Variants in ERC1 observed in about 807,000 individuals in gnomAD.
ERC1 encodes ELKS/RAB6-interacting/CAST family member 1.
Under a neutral mutation model 132.0 loss-of-function variants are expected in ERC1, and 56 were observed. The ratio of observed to expected loss-of-function variants is 0.42; its 90% CI spans 0.34 to 0.53. ERC1 has a LOEUF of 0.53. Ranked by LOEUF, ERC1 falls within the 20% of genes least tolerant of loss-of-function variation. The pLI is 0.03. For missense variants in ERC1, 1,202 were observed against 1,349.9 expected, an observed-to-expected ratio of 0.89 and a Z score of 1.72; for synonymous variants, 478 against 476.1, an observed-to-expected ratio of 1.00 and a Z score of -0.05.
intron 14 of ERC1, among the ~76,000 whole-genome samples, chr12:1,268,748 A>G (rs937078348): frequency 2.0e-5 from 3 of 152,228 alleles, no homozygotes; most frequent in African/African-American, 7.2e-5. Context: ...CCTGGGCGAC[A>G]GAGCGAGACT....
chr12:1,241,847 C>CTTT (rs57016547), intron 13 of ERC1, among the ~76,000 whole-genome samples: 2,297 of 80,502 alleles, frequency 0.029, 26 homozygotes, highest in Non-Finnish European at 0.038. Context: ...TCTTCTTCTT[C>CTTT]TTTTTTTTTT....
chr12:1,381,721 T>C (rs2088691097), intron 16 of ERC1, among the ~76,000 whole-genome samples: 1 of 152,208 alleles, frequency 6.6e-6, no homozygotes. Context: ...CTGTCCTCAC[T>C]TCTGGAATTG....
intron 13 of ERC1, among the ~76,000 whole-genome samples, chr12:1,241,704 C>G (rs2075802224): frequency 6.6e-6 from 1 of 152,102 alleles, no homozygotes. Context: ...ACCCAGTTCT[C>G]CTGGTAGCAC....
chr12:1,353,033 T>C (rs530304565), intron 15 of ERC1, among the ~76,000 whole-genome samples: 1,574 of 149,868 alleles, frequency 0.011, 34 homozygotes, highest in African/African-American at 0.035. Context: ...CTTTTCTTTT[T>C]TTTTTTTTTT....
At chr12:1,254,766 G>A (rs2076684283) in intron 13 of ERC1, among the ~76,000 whole-genome samples, 1 of 152,132 alleles carries the variant, frequency 6.6e-6, no homozygotes, top group Admixed American at 6.5e-5. Context: ...ACCCACCTTG[G>A]CTTCCCAAAG....
chr12:1,336,904 TCTC>T (rs1431921394), intron 15 of ERC1, among the ~76,000 whole-genome samples: 3 of 152,132 alleles, frequency 2.0e-5, no homozygotes, highest in African/African-American at 7.2e-5. Context: ...TTCAAGCAAT[TCTC>T]CTGCCTCAGC....
rs2090512522 is a variant in ERC1 at position 1,395,988 on chromosome 12, A to T, written c.2926-12161A>T. ...AAATAAGTGAATATCCATAATCAACAATTTTCCTTTTCATATTAAATCTAT... is the reference window on the plus strand; with the variant it reads ...AAATAAGTGAATATCCATAATCAACTATTTTCCTTTTCATATTAAATCTAT... On this transcript the variant is annotated intron_variant, in intron 16 of 18. Coordinates refer to ENST00000360905, the MANE Select transcript of ERC1 (RefSeq NM_178040.4). Among the ~76,000 whole-genome samples, 2 of 152,110 alleles carry T rather than the reference A, an allele frequency of 1.3e-5. 1 individual carries two copies. The highest frequency in any genetic ancestry group is 4.1e-4 in the South Asian group (2 of 4,832).
chr12:1,230,837 C>T (rs1230523217), intron 12 of ERC1, among the ~76,000 whole-genome samples: 5 of 152,140 alleles, frequency 3.3e-5, no homozygotes, highest in Admixed American at 3.3e-4. Flanking sequence ...AACCTTGTCT[C>T]TTGTGACTGA....
intron 8 of ERC1, among the ~76,000 whole-genome samples, chr12:1,168,570 C>T (rs1469841488): frequency 6.8e-6 from 1 of 147,212 alleles, no homozygotes; most frequent in Admixed American, 6.9e-5. Context: ...CTGCAACCAT[C>T]GCCTCCCAGG....
intron 18 of ERC1, among the ~76,000 whole-genome samples, chr12:1,455,792 A>G (rs1017521735): frequency 6.6e-6 from 1 of 152,200 alleles, no homozygotes; most frequent in Non-Finnish European, 1.5e-5. Flanking sequence ...TTTTCATAGA[A>G]CTCAAGGATT....
rs5795968 is a variant in ERC1 at position 1,374,824 on chromosome 12, A to ATTTTTTTTT, written c.2925+2861_2925+2869dup. ...GCTGGGCTTTTCAGGACAGGCTGGGATTTTTTTTTTTTTTTTTTTTTTCTG... is the reference window on the plus strand; with the variant it reads ...GCTGGGCTTTTCAGGACAGGCTGGGATTTTTTTTTTTTTTTTTTTTTTTTTTTTTTTCTG... On this transcript the variant is annotated intron_variant, in intron 16 of 18. Coordinates refer to ENST00000360905, the MANE Select transcript of ERC1 (RefSeq NM_178040.4). Among the ~76,000 whole-genome samples, 9 of 124,548 alleles carry ATTTTTTTTT rather than the reference A, an allele frequency of 7.2e-5. 1 individual carries two copies. The highest frequency in any genetic ancestry group is 1.2e-4 in the African/African-American group (4 of 33,766). The allele number at this position is 124,548 out of a possible 152,430, so 81.7% of individuals were successfully genotyped here.
intron 14 of ERC1, among the ~76,000 whole-genome samples, chr12:1,281,336 A>C (rs1347690172): frequency 6.6e-6 from 1 of 152,214 alleles, no homozygotes; most frequent in African/African-American, 2.4e-5. Flanking sequence ...CAAAGCAAAA[A>C]AAAAATGCCT....
At chr12:1,056,358 C>T (rs953302829) in intron 2 of ERC1, among the ~76,000 whole-genome samples, 4 of 151,668 alleles carry the variant, frequency 2.6e-5, no homozygotes, top group African/African-American at 7.3e-5. Context: ...AAAACTAGGA[C>T]GCAGACACAC....
Position 1,333,663 on chromosome 12 carries a change from T to C in ERC1, c.2781-38170T>C, listed in dbSNP as rs2083073437. The stretch of plus-strand genomic sequence containing the variant: ...TTCTTTAGTCTATCATTGATGAGCA[T>C]GTAGGTTGATTCTGTATCTTTGCTA... On this transcript the variant is annotated intron_variant, in intron 15 of 18. Coordinates refer to ENST00000360905, the MANE Select transcript of ERC1 (RefSeq NM_178040.4). Among the ~76,000 whole-genome samples, 5 of 152,168 alleles carry C rather than the reference T, an allele frequency of 3.3e-5. No homozygotes were observed. In the South Asian group the frequency reaches 1.0e-3, roughly 32 times the overall value.
chr12:1,083,178 A>C lies in ERC1; in HGVS notation c.684A>C (p.Thr228=). 1 of 1,612,706 alleles carries C rather than the reference A, an allele frequency of 6.2e-7. No homozygotes were observed. The highest frequency in any genetic ancestry group is 8.5e-7 in the Non-Finnish European group (1 of 1,179,534). The change falls in exon 3 of 19, where the codon ACA becomes ACC. Residue 228 remains threonine (T), a synonymous_variant. Coordinates refer to ENST00000360905, the MANE Select transcript of ERC1 (RefSeq NM_178040.4). ...VQEENQHMQM[T]IQALQDELRI... ...CTTGGTTCTAGCACATGCAGATGAC[A>C]ATCCAGGCTCTCCAGGATGAATTGC...
At chr12:1,098,484 G>GT (rs1397611339) in intron 3 of ERC1, among the ~76,000 whole-genome samples, 1 of 152,202 alleles carries the variant, frequency 6.6e-6, no homozygotes, top group Admixed American at 6.5e-5. Flanking sequence ...TTCCGCACTA[G>GT]AACAGTTAGG....
In ERC1 at chr12:1,124,218, C is replaced by T. The variant is rs79081963; in HGVS notation, c.1569+8185C>T. Among the ~76,000 whole-genome samples the T allele has an allele frequency of 6.4e-3, 972 of 152,210 alleles. 16 individuals carry two copies. Among genetic ancestry groups the T allele is most frequent in the African/African-American group, 0.022 (912 of 41,512 alleles). On this transcript the variant is annotated intron_variant, in intron 7 of 18. Transcript: ENST00000360905. ...CTTACTGAACAGTCGTAAAAACTAA[C>T]CATGTACTGGGTCATAAAGGAAACT...
chr12:1,110,083 C>A, intron 4 of ERC1, 109 bp from the exon 5 acceptor site: 1 of 924,740 alleles, frequency 1.1e-6, no homozygotes, highest in Non-Finnish European at 1.6e-6. Context: ...AGCATTTTTT[C>A]TGTATATTTG....
chr12:1,457,323 AAAACAG>A lies in ERC1; in HGVS notation c.3213+12583_3213+12588del, dbSNP rs200782259. 4.0e-3 allele frequency among the ~76,000 whole-genome samples: 605 copies of A among 152,322 alleles called. 4 individuals carry two copies. Among genetic ancestry groups the A allele is most frequent in the African/African-American group, 0.013 (559 of 41,572 alleles). ...GCAGTTTATAGTACCCCACGATATT[AAAACAG>A]AAACAGAAAAAGAAATTCCTCCCTC... On this transcript the variant is annotated intron_variant, in intron 18 of 18. Coordinates refer to ENST00000360905, the MANE Select transcript of ERC1 (RefSeq NM_178040.4).
Sources: gnomAD v4.1 joint callset for allele counts (sites outside exome capture counted in the v4.1 genomes callset) on GRCh38, gnomAD v4.1.1 for gene constraint, MANE v1.5 for transcripts, NCBI Gene and HGNC (gene_info 2026-07-23, HGNC 2026-07-21) for gene names.